PCDH15: variants seen among roughly 807,000 people sequenced by gnomAD.
PCDH15 encodes protocadherin related 15.
A neutral mutation model predicts 178.5 loss-of-function variants in PCDH15; 129 were observed. The observed-to-expected ratio is 0.72, with a 90% CI of 0.63 to 0.84. PCDH15 has a LOEUF of 0.84. Among genes scored for constraint, PCDH15 ranks in the 40% least tolerant of loss-of-function variants. PCDH15 has a pLI of 0.00. For synonymous variants in PCDH15, 800 were observed against 732.0 expected, an observed-to-expected ratio of 1.09 and a Z score of -1.50; for missense variants, 2,230 against 2,099.9, an observed-to-expected ratio of 1.06 and a Z score of -1.21.
At chr10:55,518,909 A>G (rs1841085133) in intron 2 of PCDH15, among the ~76,000 whole-genome samples, 1 of 151,854 alleles carries the variant, frequency 6.6e-6, no homozygotes, top group African/African-American at 2.4e-5. Flanking sequence ...CCTGGCCAAC[A>G]TGGTGAAACC....
chr10:54,141,551 A>C (rs1416371995), intron 14 of PCDH15, among the ~76,000 whole-genome samples: 1 of 152,154 alleles, frequency 6.6e-6, no homozygotes, highest in Non-Finnish European at 1.5e-5. Context: ...ATATGGGTTA[A>C]AAGTTTTAAT....
At chr10:54,242,124 CTATTTTTATATA>C (rs2055375545) in intron 8 of PCDH15, among the ~76,000 whole-genome samples, 14 of 62,264 alleles carry the variant, frequency 2.2e-4, no homozygotes, top group South Asian at 6.8e-4. Flanking sequence ...GGTCTGAATT[CTATTTTTATATA>C]TATATATATA....
intron 2 of PCDH15, among the ~76,000 whole-genome samples, chr10:55,405,134 G>T (rs1838165041): frequency 6.6e-6 from 1 of 151,362 alleles, no homozygotes; most frequent in Admixed American, 6.6e-5. Flanking sequence ...ATAGAAAAAT[G>T]ATGTTTTGGA....
At chr10:55,272,248 AT>A (rs1010097411) in intron 1 of PCDH15, among the ~76,000 whole-genome samples, 1 of 150,920 alleles carries the variant, frequency 6.6e-6, no homozygotes, top group Non-Finnish European at 1.5e-5. Flanking sequence ...AACAACTAAG[AT>A]TTTTTTTTAG....
intron 26 of PCDH15, among the ~76,000 whole-genome samples, chr10:53,888,553 C>T (rs934489784): frequency 4.0e-5 from 5 of 126,500 alleles, no homozygotes; most frequent in African/African-American, 5.6e-5. Flanking sequence ...GAACTTCAGT[C>T]GCTTCACAAT....
rs547627796 is a variant in PCDH15, at chr10:55,351,044, C to G, written c.-155-184393G>C. 3.4e-4 allele frequency among the ~76,000 whole-genome samples: 38 copies of G among 110,356 alleles called. 1 individual carries two copies. Among genetic ancestry groups the G allele is most frequent in the South Asian group, 2.5e-3 (6 of 2,378 alleles). The allele number at this position is 110,356 out of a possible 152,430, so 72.4% of individuals were successfully genotyped here. Reference sequence around the variant, plus strand: ...CCTGCTTCCTCCCCCTCTCCCTCCTCCCCCTCCCCTCCCCCCGCTGCTGCC... The same window carrying G: ...CCTGCTTCCTCCCCCTCTCCCTCCTGCCCCTCCCCTCCCCCCGCTGCTGCC... On this transcript the variant is annotated intron_variant, in intron 2 of 5. Transcript: ENST00000613346.
At chr10:55,288,870 G>GATATATATATATATATATATATAT (rs143549237) in intron 1 of PCDH15, among the ~76,000 whole-genome samples, 3 of 146,188 alleles carry the variant, frequency 2.1e-5, no homozygotes, top group African/African-American at 7.6e-5. Flanking sequence ...AATTCTATTA[G>GATATATATATATATATATATATAT]ATATATATAT....
intron 9 of PCDH15, among the ~76,000 whole-genome samples, chr10:54,227,843 C>A (rs754135504): frequency 1.3e-5 from 2 of 152,166 alleles, no homozygotes; most frequent in African/African-American, 4.8e-5. Context: ...AAGGCAGGGG[C>A]AAAATGCTGC....
intron 2 of PCDH15, among the ~76,000 whole-genome samples, chr10:54,984,201 T>C (rs1839309177): frequency 6.6e-6 from 1 of 152,134 alleles, no homozygotes; most frequent in Non-Finnish European, 1.5e-5. Flanking sequence ...TCTGATCTTC[T>C]CCTGCCCTCT....
At chr10:55,097,803 G>A (rs1407156579) in intron 2 of PCDH15, among the ~76,000 whole-genome samples, 1 of 152,038 alleles carries the variant, frequency 6.6e-6, no homozygotes. Flanking sequence ...GTAGAAAATA[G>A]CAGTTGTTGA....
chr10:55,503,914 A>T (rs1469078459), intron 2 of PCDH15, among the ~76,000 whole-genome samples: 1 of 151,448 alleles, frequency 6.6e-6, no homozygotes, highest in African/African-American at 2.4e-5. Flanking sequence ...ATTTATCCAA[A>T]GAAGCCAATC....
chr10:54,632,943 A>G (rs2093741763), intron 2 of PCDH15, among the ~76,000 whole-genome samples: 1 of 152,156 alleles, frequency 6.6e-6, no homozygotes, highest in Non-Finnish European at 1.5e-5. Context: ...AGAGACAGAT[A>G]GCCTGAATTC....
intron 2 of PCDH15, among the ~76,000 whole-genome samples, chr10:54,901,631 A>T (rs1368686852): frequency 2.6e-5 from 4 of 152,172 alleles, no homozygotes; most frequent in African/African-American, 9.7e-5. Context: ...TAGTCAATGT[A>T]ATTTACCTGG....
At chr10:54,954,684 A>G (rs890833418) in intron 2 of PCDH15, among the ~76,000 whole-genome samples, 4 of 151,268 alleles carry the variant, frequency 2.6e-5, no homozygotes, top group Non-Finnish European at 4.5e-5. Context: ...ATTTTCTAAT[A>G]CAAAAATACT....
chr10:55,047,658 G>A, intron 2 of PCDH15, among the ~76,000 whole-genome samples: 1 of 151,696 alleles, frequency 6.6e-6, no homozygotes, highest in Non-Finnish European at 1.5e-5. Context: ...AAGTATTTAT[G>A]GAGAATGGAG....
At chr10:54,605,119 T>C (rs559674611) in intron 2 of PCDH15, among the ~76,000 whole-genome samples, 1 of 151,946 alleles carries the variant, frequency 6.6e-6, no homozygotes, top group Non-Finnish European at 1.5e-5. Flanking sequence ...ATTTTAGTTA[T>C]ACCTATATTT....
intron 8 of PCDH15, among the ~76,000 whole-genome samples, chr10:54,292,533 T>C (rs986505870): frequency 2.6e-5 from 4 of 152,192 alleles, no homozygotes; most frequent in African/African-American, 9.6e-5. Context: ...AGTTAAATTG[T>C]CCCTGTTTGC....
At position 53,806,496 on chromosome 10, in the gene PCDH15, C is replaced by A. The variant is rs181933123; in HGVS notation, c.*83G>T. 8.5e-7 allele frequency: 1 copy of A among 1,180,536 alleles called. No individual in the cohort carries two copies. The highest frequency in any genetic ancestry group is 1.2e-6 in the Non-Finnish European group (1 of 850,590). 73.1% of individuals were successfully genotyped at this position (1,180,536 alleles called of 1,614,324 possible). A position where few individuals can be genotyped will look rare whatever the true frequency, so the allele number is the denominator to read the frequency against. On this transcript the variant is annotated 3_prime_UTR_variant, in exon 38 of 38. Transcript: ENST00000644397. ...TTGTGTGCATGATATAAATTCCATA[C>A]ATTGTTTTCTCAGTGACAATAAAAA... is the stretch of plus-strand genomic sequence containing the variant.
intron 1 of PCDH15, among the ~76,000 whole-genome samples, chr10:54,707,262 A>G (rs2095374620): frequency 6.6e-6 from 1 of 152,204 alleles, no homozygotes; most frequent in East Asian, 1.9e-4. Context: ...CTCCAGGGAC[A>G]GTAAAGTTTC....
Sources: allele counts gnomAD v4.1 joint callset (sites outside exome capture counted in the v4.1 genomes callset), GRCh38; gene constraint gnomAD v4.1.1; transcripts MANE v1.5; gene names NCBI Gene and HGNC (gene_info 2026-07-23, HGNC 2026-07-21).